The following DOCK1 variants were observed in gnomAD, a reference collection of about 807,000 sequenced individuals.
The protein encoded by DOCK1 is dedicator of cytokinesis 1.
In DOCK1, 138 loss-of-function variants were observed where a neutral mutation model predicts 262.7. The observed-to-expected ratio is 0.53, with a 90% CI of 0.46 to 0.61. The LOEUF (loss-of-function observed/expected upper bound fraction) is 0.61. Ranked by LOEUF, DOCK1 falls within the 20% of genes least tolerant of loss-of-function variation. The probability of loss-of-function intolerance (pLI) is 0.00; values close to 1 mark genes in which losing one functional copy is unlikely to be tolerated. For missense variants in DOCK1, 1,908 were observed against 2,370.7 expected (o/e 0.80, Z 4.05); for synonymous variants, 866 against 867.4 (o/e 1.00, Z 0.03).
chr10:127,345,871 C>A (rs1267488118), intron 31 of DOCK1, among the ~76,000 whole-genome samples: 2 of 152,238 alleles, frequency 1.3e-5, no homozygotes, highest in East Asian at 3.9e-4. Flanking sequence ...GTAATTGTTG[C>A]TGTTCTTGTT....
At chr10:127,197,672 A>G (rs902508965) in intron 27 of DOCK1, among the ~76,000 whole-genome samples, 1 of 152,174 alleles carries the variant, frequency 6.6e-6, no homozygotes, top group Non-Finnish European at 1.5e-5. Context: ...CCACCTCTCC[A>G]GACACATCAG....
chr10:126,957,757 G>A (rs1189054090), intron 1 of DOCK1, among the ~76,000 whole-genome samples: 1 of 152,178 alleles, frequency 6.6e-6, no homozygotes, highest in Admixed American at 6.5e-5. Context: ...TGGTTTTACA[G>A]GTGTGAGCCA....
intron 27 of DOCK1, among the ~76,000 whole-genome samples, chr10:127,199,737 C>G (rs1203557592): frequency 1.3e-5 from 2 of 152,216 alleles, no homozygotes; most frequent in Non-Finnish European, 2.9e-5. Context: ...ATCATTCTGT[C>G]TCCTGCACTA....
intron 42 of DOCK1, among the ~76,000 whole-genome samples, chr10:127,410,403 C>G (rs1311126667): frequency 6.6e-6 from 1 of 152,216 alleles, no homozygotes; most frequent in African/African-American, 2.4e-5. Flanking sequence ...CTGCCTCGTA[C>G]CCCGACCGCG....
chr10:127,362,901 GTACATC>G (rs2064613048), intron 33 of DOCK1, among the ~76,000 whole-genome samples: 1 of 8,452 alleles, frequency 1.2e-4, no homozygotes, highest in East Asian at 3.9e-3. Context: ...ACACACACAT[GTACATC>G]TCCACACACA....
At chr10:127,080,070 C>G (rs930231349) in intron 23 of DOCK1, among the ~76,000 whole-genome samples, 3 of 152,078 alleles carry the variant, frequency 2.0e-5, no homozygotes, top group Non-Finnish European at 4.4e-5. Context: ...TGCCATTCAC[C>G]TCTTACAGCT....
At chr10:127,328,620 G>GGGACGGCAGGGATGCGAA (rs1438745964) in intron 29 of DOCK1, among the ~76,000 whole-genome samples, 2 of 152,094 alleles carry the variant, frequency 1.3e-5, no homozygotes, top group Admixed American at 1.3e-4. Flanking sequence ...AGGGATGCGA[G>GGGACGGCAGGGATGCGAA]GGACGGCAGG....
chr10:127,147,907 C>T (rs891828920), intron 27 of DOCK1, among the ~76,000 whole-genome samples: 8 of 151,368 alleles, frequency 5.3e-5, no homozygotes, highest in Admixed American at 1.3e-4. Context: ...GGTGCGCGCA[C>T]GTAGTCCCAG....
At chr10:127,352,171 G>A (rs978723690) in intron 31 of DOCK1, among the ~76,000 whole-genome samples, 2 of 145,036 alleles carry the variant, frequency 1.4e-5, no homozygotes, top group Admixed American at 1.4e-4. Context: ...GGGGTGGGGA[G>A]CATCGGGGAG....
chr10:126,982,019 T>C, intron 4 of DOCK1, 46 bp downstream of exon 4: 1 of 1,598,710 alleles, frequency 6.3e-7, no homozygotes, highest in Non-Finnish European at 8.6e-7. Flanking sequence ...AAGTACTATA[T>C]TTGGCCTTGC....
intron 1 of DOCK1, among the ~76,000 whole-genome samples, chr10:126,911,683 C>G (rs1401462362): frequency 6.6e-6 from 1 of 152,110 alleles, no homozygotes; most frequent in African/African-American, 2.4e-5. Context: ...CTCTTCCAGC[C>G]TGGTTTCTGC....
intron 12 of DOCK1, among the ~76,000 whole-genome samples, chr10:127,017,801 A>T (rs1400914645): frequency 7.9e-6 from 1 of 126,138 alleles, no homozygotes; most frequent in Non-Finnish European, 1.7e-5. Context: ...TGGGGGGAAA[A>T]GATGCCGTCG....
intron 1 of DOCK1, among the ~76,000 whole-genome samples, chr10:126,913,913 T>G (rs1467263708): frequency 6.6e-6 from 1 of 152,184 alleles, no homozygotes; most frequent in Non-Finnish European, 1.5e-5. Flanking sequence ...AAGCCTGAGT[T>G]TCTCCTTTGT....
intron 44 of DOCK1, among the ~76,000 whole-genome samples, chr10:127,416,081 C>A (rs1003317899): frequency 6.6e-6 from 1 of 152,202 alleles, no homozygotes; most frequent in Non-Finnish European, 1.5e-5. Flanking sequence ...CAGCGCCGAG[C>A]CTTCTCCTTT....
At chr10:127,190,534 A>C (rs1332198582) in intron 27 of DOCK1, among the ~76,000 whole-genome samples, 4 of 93,556 alleles carry the variant, frequency 4.3e-5, no homozygotes, top group African/African-American at 1.6e-4. Flanking sequence ...GAATCGCTTC[A>C]TCCAATTTCC....
chr10:127,361,055 T>A (rs1305335318), intron 32 of DOCK1, among the ~76,000 whole-genome samples: 3 of 151,684 alleles, frequency 2.0e-5, no homozygotes, highest in African/African-American at 7.3e-5. Flanking sequence ...CTGAGTTCTT[T>A]AAAAATCATA....
chr10:127,042,626 T>C lies in DOCK1; in HGVS notation c.2012T>C (p.Phe671Ser). The C allele has an allele frequency of 6.2e-7, 1 of 1,614,080 alleles. No individual in the cohort carries two copies. The highest frequency in any genetic ancestry group is 2.2e-5 in the East Asian group (1 of 44,876). ...ACCCGACCTTCTGTGTCTATGCAGT[T>C]TCTTCAGGACACGTTGGATGCCCTC... ...MKVDGGEVVK[F>S]LQDTLDALFN... Residue 671 changes from phenylalanine to serine, a missense_variant and splice_region_variant, in exon 20 of 52, where the codon TTT becomes TCT. This residue lies in a region of DOCK1 where 294 missense variants were observed against 439.9 expected (regional missense o/e 0.67). Transcript: ENST00000623213.
chr10:127,305,546 A>T (rs1332180528), intron 29 of DOCK1, among the ~76,000 whole-genome samples: 1 of 152,148 alleles, frequency 6.6e-6, no homozygotes, highest in Non-Finnish European at 1.5e-5. Flanking sequence ...AGTGTGGGAG[A>T]CAAGGGGCCA....
intron 51 of DOCK1, among the ~76,000 whole-genome samples, chr10:127,448,168 C>T (rs539432577): frequency 1.2e-4 from 19 of 152,244 alleles, no homozygotes; most frequent in African/African-American, 4.3e-4. Context: ...TTCGGGGGTG[C>T]TGACCTGGCT....
Sources: allele counts gnomAD v4.1 joint callset (sites outside exome capture counted in the v4.1 genomes callset), GRCh38; gene constraint gnomAD v4.1.1; regional missense constraint gnomAD v4.1.1; transcripts MANE v1.5; gene names NCBI Gene and HGNC (gene_info 2026-07-23, HGNC 2026-07-21).